The following IL16 variants were observed in gnomAD, a reference collection of about 807,000 sequenced individuals.
The protein encoded by IL16 is pro-interleukin-16.
A neutral mutation model predicts 110.1 loss-of-function variants in IL16; 67 were observed. That is an observed-to-expected ratio of 0.61 (90% CI 0.50 to 0.75). The LOEUF (loss-of-function observed/expected upper bound fraction) is 0.75, where lower values mean the gene tolerates loss of function less well. Among genes scored for constraint, IL16 ranks in the 30% least tolerant of loss-of-function variants. IL16 has a pLI of 0.00. For synonymous variants in IL16, 689 were observed against 662.9 expected (o/e 1.04, Z -0.61); for missense variants, 1,545 against 1,655.0 (o/e 0.93, Z 1.15).
intron 2 of IL16, among the ~76,000 whole-genome samples, chr15:81,241,800 GT>G (rs1269302179): frequency 6.6e-6 from 1 of 151,768 alleles, no homozygotes; most frequent in Non-Finnish European, 1.5e-5. Flanking sequence ...TCATCGCAAG[GT>G]TCCCTCATGT....
Position 81,279,664 on chromosome 15 carries a change from G to A in IL16, c.971G>A (p.Ser324Asn). Residue 324 changes from serine (S) to asparagine (N), a missense_variant, in exon 8 of 19, where the codon AGC becomes AAC. Transcript: ENST00000683961. ...CCACTGTGCCGCTCCCTGAGCTCCA[G>A]CACTTGTATCACCAAGGACAGCAGC... is the stretch of plus-strand genomic sequence containing the variant. ...SPPLCRSLSSSTCITKDSSSF... is the reference protein window; with the variant it reads ...SPPLCRSLSSNTCITKDSSSF... 6.2e-7 allele frequency: 1 copy of A among 1,614,244 alleles called. No individual in the cohort carries two copies. The highest frequency in any genetic ancestry group is 8.5e-7 in the Non-Finnish European group (1 of 1,180,042).
At chr15:81,271,902 G>T (rs1296755950) in intron 5 of IL16, among the ~76,000 whole-genome samples, 3 of 152,150 alleles carry the variant, frequency 2.0e-5, no homozygotes, top group African/African-American at 7.2e-5. Flanking sequence ...CTGTGGCACG[G>T]GGTGATGCTC....
intron 12 of IL16, among the ~76,000 whole-genome samples, chr15:81,296,017 C>G (rs1261007166): frequency 6.6e-6 from 1 of 152,200 alleles, no homozygotes; most frequent in East Asian, 1.9e-4. Flanking sequence ...CAGGTGGCAT[C>G]ATTTTGATGA....
intron 12 of IL16, 109 bp from the exon 13 acceptor site, chr15:81,296,819 C>A: frequency 2.0e-6 from 2 of 996,548 alleles, no homozygotes; most frequent in Non-Finnish European, 1.5e-6. Flanking sequence ...GAACTTCTCA[C>A]TGAAAGCAGC....
At position 81,299,823 on chromosome 15, in the gene IL16, T is replaced by G. The variant is rs1391799279; in HGVS notation, c.2497T>G (p.Ser833Ala). 3 of 1,588,382 alleles carry G rather than the reference T, an allele frequency of 1.9e-6. No homozygotes were observed. Among genetic ancestry groups the G allele is most frequent in the Non-Finnish European group, 2.6e-6 (3 of 1,163,798 alleles). ...REHLGSHIRA[S>A]SSSSSIRQRI... Reference sequence around the variant, plus strand: ...GCACCTAGGATCACACATCCGGGCCTCCTCCTCCTCCTCCTCCATCAGGCA... The same window carrying G: ...GCACCTAGGATCACACATCCGGGCCGCCTCCTCCTCCTCCTCCATCAGGCA... Residue 833 changes from serine (S) to alanine (A), a missense_variant, in exon 14 of 19, where the codon TCC becomes GCC. By Grantham distance (99) the Ser-to-Ala change is moderately conservative. Coordinates refer to ENST00000683961, the MANE Select transcript of IL16 (RefSeq NM_172217.5).
intron 10 of IL16, 80 bp from the exon 11 acceptor site, chr15:81,290,373 G>A: frequency 2.2e-6 from 2 of 915,512 alleles, no homozygotes; most frequent in Non-Finnish European, 3.4e-6. Context: ...CAGTGGCCCA[G>A]CTTTGGAGCT....
At chr15:81,245,724 C>CCTTTTT (rs1897517808) in intron 2 of IL16, among the ~76,000 whole-genome samples, 1 of 61,282 alleles carries the variant, frequency 1.6e-5, no homozygotes, top group African/African-American at 6.8e-5. Context: ...TTTGTTTTGG[C>CCTTTTT]TTTTTTTTTT....
In IL16 at chr15:81,309,841, G is replaced by C. The variant is rs1900763487; in HGVS notation, c.*1043G>C. ...TTTAGTGATCACAGCAGCTTCTACGGTGTATGGTTCTGTGCCAATGTATTG... is the reference window on the plus strand; with the variant it reads ...TTTAGTGATCACAGCAGCTTCTACGCTGTATGGTTCTGTGCCAATGTATTG... On this transcript the variant is annotated 3_prime_UTR_variant, in exon 19 of 19. Coordinates refer to ENST00000683961, the MANE Select transcript of IL16 (RefSeq NM_172217.5). 1 of 152,260 alleles carries C rather than the reference G, an allele frequency of 6.6e-6. No individual in the cohort carries two copies. Among genetic ancestry groups the C allele is most frequent in the Admixed American group, 6.5e-5 (1 of 15,288 alleles). 9.4% of individuals were successfully genotyped at this position (152,260 alleles called of 1,614,324 possible).
intron 5 of IL16, among the ~76,000 whole-genome samples, chr15:81,270,557 T>C (rs1032614933): frequency 2.6e-5 from 4 of 152,168 alleles, no homozygotes; most frequent in African/African-American, 9.7e-5. Context: ...GGACGAATGC[T>C]CCTCTGATCA....
intron 1 of IL16, 118 bp from the exon 2 acceptor site, chr15:81,225,181 G>T: frequency 1.3e-6 from 1 of 774,852 alleles, no homozygotes; most frequent in Non-Finnish European, 2.0e-6. Context: ...AGGATGATCT[G>T]CCCATCTGTC....
chr15:81,306,918 A>C (rs1300895199), intron 18 of IL16: 2 of 307,936 alleles, frequency 6.5e-6, no homozygotes, highest in South Asian at 2.9e-5. Flanking sequence ...TGTTTTTTAA[A>C]ATTAATTTTA....
In IL16 at chr15:81,265,847, A is replaced by G. The variant is rs778750822; in HGVS notation, c.564+46A>G. On this transcript the variant is annotated intron_variant, in intron 4 of 18. Transcript: ENST00000683961. ...ACTCAGAGAAGAGTTTCTCCCGGGG[A>G]GAAGGGAGGGGCCCAACATTAACAG... 10 of 1,567,216 alleles carry G rather than the reference A, an allele frequency of 6.4e-6. No individual in the cohort carries two copies. In the African/African-American group the frequency reaches 1.2e-4, roughly 19 times the overall value.
chr15:81,304,971 A>G (rs1900478213), intron 16 of IL16, among the ~76,000 whole-genome samples: 1 of 152,164 alleles, frequency 6.6e-6, no homozygotes. Flanking sequence ...GAGACATGAG[A>G]TATTTTTGTG....
chr15:81,286,670 G>C (rs1899464567), intron 10 of IL16, among the ~76,000 whole-genome samples: 1 of 152,142 alleles, frequency 6.6e-6, no homozygotes, highest in Non-Finnish European at 1.5e-5. Context: ...GGATAGAGTG[G>C]GTGGAGTGTG....
intron 1 of IL16, among the ~76,000 whole-genome samples, chr15:81,224,067 G>A (rs1325732452): frequency 6.6e-6 from 1 of 152,190 alleles, no homozygotes; most frequent in Non-Finnish European, 1.5e-5. Context: ...TATTGCTATT[G>A]ATTACTGGGA....
chr15:81,286,045 C>G (rs1214300712), intron 10 of IL16, among the ~76,000 whole-genome samples: 1 of 152,210 alleles, frequency 6.6e-6, no homozygotes, highest in Non-Finnish European at 1.5e-5. Flanking sequence ...CTTAGGGAAG[C>G]TCTTACAGCT....
In IL16 at chr15:81,305,996, T is replaced by C; in HGVS notation, c.3509T>C (p.Leu1170Pro). ...NEVLSINGKS[L>P]KGTTHHDALA... The stretch of plus-strand genomic sequence containing the variant: ...GTTCTTTCCATCAACGGCAAGTCTC[T>C]CAAGGGGACCACGCACCATGATGCC... Residue 1170 changes from leucine to proline, a missense_variant, in exon 17 of 19, where the codon CTC becomes CCC. This residue lies in a region of IL16 where 356 missense variants were observed against 399.3 expected (regional missense o/e 0.89). Coordinates refer to ENST00000683961, the MANE Select transcript of IL16 (RefSeq NM_172217.5). The C allele has an allele frequency of 2.5e-6, 4 of 1,614,236 alleles. No homozygotes were observed. Among genetic ancestry groups the C allele is most frequent in the East Asian group, 4.5e-5 (2 of 44,880 alleles).
intron 2 of IL16, among the ~76,000 whole-genome samples, chr15:81,231,320 GTCTGTCTC>G (rs1404242220): frequency 3.1e-4 from 16 of 50,982 alleles, no homozygotes; most frequent in Admixed American, 8.0e-4. Context: ...CCCAAGGTCG[GTCTGTCTC>G]TCTCTCTCTC....
At chr15:81,275,843 C>T (rs1304823938) in intron 6 of IL16, among the ~76,000 whole-genome samples, 1 of 152,166 alleles carries the variant, frequency 6.6e-6, no homozygotes, top group Non-Finnish European at 1.5e-5. Flanking sequence ...GTTTGGTGTA[C>T]AGATCAAGGC....
Sources: allele counts gnomAD v4.1 joint callset (sites outside exome capture counted in the v4.1 genomes callset), GRCh38; gene constraint gnomAD v4.1.1; regional missense constraint gnomAD v4.1.1; transcripts MANE v1.5; gene names NCBI Gene and HGNC (gene_info 2026-07-23, HGNC 2026-07-21).